The following CARF variants were observed in gnomAD, a reference collection of about 807,000 sequenced individuals.
CARF encodes the protein calcium responsive transcription factor, also known as calcium-responsive transcription factor.
Under a neutral mutation model 82.0 loss-of-function variants are expected in CARF, and 57 were observed. That is an observed-to-expected ratio of 0.70 (90% CI 0.56 to 0.87). CARF has a LOEUF of 0.87. Ranked by LOEUF, CARF falls within the 40% of genes least tolerant of loss-of-function variation. The pLI is 0.00. For synonymous variants in CARF, 268 were observed against 290.1 expected, an observed-to-expected ratio of 0.92 and a Z score of 0.77; for missense variants, 771 against 855.8, an observed-to-expected ratio of 0.90 and a Z score of 1.24.
chr2:202,933,669 TG>T (rs1478059488), intron 3 of CARF, among the ~76,000 whole-genome samples: 2 of 152,192 alleles, frequency 1.3e-5, no homozygotes, highest in Non-Finnish European at 2.9e-5. Context: ...CATTTATTTT[TG>T]TTAAAATGTA....
intron 2 of CARF, among the ~76,000 whole-genome samples, chr2:202,918,308 C>A (rs574488152): frequency 6.6e-6 from 1 of 152,036 alleles, no homozygotes; most frequent in African/African-American, 2.4e-5. Flanking sequence ...ATCACAAGGT[C>A]GGGAGATTGA....
intron 2 of CARF, among the ~76,000 whole-genome samples, chr2:202,921,258 C>T (rs1268606317): frequency 6.6e-6 from 1 of 152,154 alleles, no homozygotes; most frequent in African/African-American, 2.4e-5. Context: ...GCCTTGGCCT[C>T]CCAAAGTGCT....
chr2:202,960,760 T>G (rs1164968023), intron 8 of CARF, among the ~76,000 whole-genome samples: 2 of 149,702 alleles, frequency 1.3e-5, no homozygotes, highest in African/African-American at 2.5e-5. Flanking sequence ...CTGCCTTCCC[T>G]CCTTCTCTCC....
At chr2:202,960,184 A>G (rs2059242876) in intron 8 of CARF, among the ~76,000 whole-genome samples, 1 of 152,228 alleles carries the variant, frequency 6.6e-6, no homozygotes, top group Non-Finnish European at 1.5e-5. Flanking sequence ...GCTAATTTCC[A>G]TAAGATAAAA....
chr2:202,932,288 TCA>T (rs199799503), intron 3 of CARF, among the ~76,000 whole-genome samples: 1,592 of 152,244 alleles, frequency 0.01, 31 homozygotes, highest in Admixed American at 0.043. Context: ...TATCAGAGTC[TCA>T]CAAACCTGTT....
rs1194838421 is a variant in CARF, at chr2:202,943,629, CAT to C, written c.306+665_306+666del. The stretch of plus-strand genomic sequence containing the variant: ...ACACACACACACACACACACACACA[CAT>C]ATTAGGCTAACTCCAGTTTTGTTTT... On this transcript the variant is annotated intron_variant, in intron 5 of 16. Transcript: ENST00000438828. Among the ~76,000 whole-genome samples, 799 of 117,762 alleles carry C rather than the reference CAT, an allele frequency of 6.8e-3. 11 individuals are homozygous for C. Among genetic ancestry groups the C allele is most frequent in the Middle Eastern group, 0.043 (9 of 208 alleles). The allele number at this position is 117,762 out of a possible 152,430, so 77.3% of individuals were successfully genotyped here.
At position 202,954,240 on chromosome 2, in the gene CARF, A is replaced by G; in HGVS notation, c.557+106A>G. The G allele has an allele frequency of 3.1e-6, 4 of 1,281,742 alleles. No homozygotes were observed. The South Asian group carries it at 6.7e-5, about 22-fold the overall frequency. 79.4% of individuals were successfully genotyped at this position (1,281,742 alleles called of 1,614,324 possible). A position where few individuals can be genotyped will look rare whatever the true frequency, so the allele number is the denominator to read the frequency against. On this transcript the variant is annotated intron_variant, in intron 7 of 16. Coordinates refer to ENST00000438828, the MANE Select transcript of CARF (RefSeq NM_024744.17). ...GACTATAGAGAAAATCAGAAGATAGAAGGAACTATCATTGAATATATCTTT... is the reference window on the plus strand; with the variant it reads ...GACTATAGAGAAAATCAGAAGATAGGAGGAACTATCATTGAATATATCTTT...
At chr2:202,954,253 T>C in intron 7 of CARF, 119 bp downstream of exon 7, 1 of 1,155,030 alleles carries the variant, frequency 8.7e-7, no homozygotes, top group Non-Finnish European at 1.2e-6. Flanking sequence ...GAACTATCAT[T>C]GAATATATCT....
At chr2:202,928,059 A>G (rs1206071385) in intron 3 of CARF, among the ~76,000 whole-genome samples, 1 of 152,160 alleles carries the variant, frequency 6.6e-6, no homozygotes, top group Non-Finnish European at 1.5e-5. Context: ...CTAGGATTAC[A>G]GGCATGAGCA....
In CARF at chr2:202,983,767, T is replaced by C; in HGVS notation, c.*143T>C. 2 of 618,934 alleles carry C rather than the reference T, an allele frequency of 3.2e-6. No homozygotes were observed. The highest frequency in any genetic ancestry group is 5.7e-6 in the Non-Finnish European group (2 of 352,958). The allele number at this position is 618,934 out of a possible 1,614,324, so 38.3% of individuals were successfully genotyped here. A position where few individuals can be genotyped will look rare whatever the true frequency, so the allele number is the denominator to read the frequency against. Reference sequence around the variant, plus strand: ...AGCTTTTATTTAAAACTGATATATTTGTTGCCAGTTCCATATTTTTACCTT... The same window carrying C: ...AGCTTTTATTTAAAACTGATATATTCGTTGCCAGTTCCATATTTTTACCTT... On this transcript the variant is annotated 3_prime_UTR_variant, in exon 17 of 17. Coordinates refer to ENST00000438828, the MANE Select transcript of CARF (RefSeq NM_024744.17).
At chr2:202,931,661 T>A (rs937382760) in intron 3 of CARF, among the ~76,000 whole-genome samples, 3 of 151,970 alleles carry the variant, frequency 2.0e-5, no homozygotes, top group Non-Finnish European at 4.4e-5. Flanking sequence ...AAGGGTGTAG[T>A]GTCTGTTTGT....
rs778300097 is a variant in CARF, at chr2:202,954,039, A to G, written c.462A>G (p.Leu154=). The change falls in exon 7 of 17, where the codon TTA becomes TTG. Residue 154 remains leucine, a synonymous_variant. Transcript: ENST00000438828. ...AAGAGAAACCCAGTAACAGAAACTT[A>G]CCAACTGTAAGAGTGGATACTCTAG... ...VPEEKPSNRN[L]PTVRVDTLAD... is the part of the protein sequence containing the mutation. 3.1e-6 allele frequency: 5 copies of G among 1,610,434 alleles called. No homozygotes were observed. Among genetic ancestry groups the G allele is most frequent in the Non-Finnish European group, 4.2e-6 (5 of 1,178,666 alleles).
chr2:202,957,009 G>A (rs997966396), intron 8 of CARF, among the ~76,000 whole-genome samples: 2 of 152,020 alleles, frequency 1.3e-5, no homozygotes, highest in Admixed American at 6.5e-5. Context: ...GGCTGGTCTC[G>A]AACTCCCGAC....
intron 1 of CARF, among the ~76,000 whole-genome samples, chr2:202,916,982 G>A (rs943471035): frequency 6.6e-6 from 1 of 151,946 alleles, no homozygotes; most frequent in Non-Finnish European, 1.5e-5. Flanking sequence ...AGGCCGAGGC[G>A]GGCGGATCAC....
intron 3 of CARF, chr2:202,924,878 A>C: frequency 4.8e-6 from 1 of 208,050 alleles, no homozygotes; most frequent in South Asian, 7.6e-5. Flanking sequence ...CTTAAGCTGG[A>C]TGTGCACACC....
intron 3 of CARF, among the ~76,000 whole-genome samples, chr2:202,931,725 C>T (rs1336347556): frequency 6.6e-6 from 1 of 151,756 alleles, no homozygotes; most frequent in East Asian, 1.9e-4. Context: ...CATTCAACGT[C>T]AGCAATAACT....
chr2:202,956,708 A>C (rs1200979296), intron 8 of CARF, among the ~76,000 whole-genome samples: 2 of 152,186 alleles, frequency 1.3e-5, no homozygotes, highest in African/African-American at 2.4e-5. Flanking sequence ...GTAATGACAA[A>C]TACCGTTTCC....
chr2:202,971,310 C>T (rs2059781678), intron 11 of CARF, among the ~76,000 whole-genome samples, 195 bp from the exon 12 acceptor site: 1 of 151,834 alleles, frequency 6.6e-6, no homozygotes, highest in African/African-American at 2.4e-5. Context: ...GGATATAAAG[C>T]AAATCTTAGA....
At chr2:202,915,935 T>C (rs532207451) in intron 1 of CARF, among the ~76,000 whole-genome samples, 13 of 152,234 alleles carry the variant, frequency 8.5e-5, no homozygotes, top group Admixed American at 5.2e-4. Context: ...TATAGGTTAT[T>C]GTTTATATAT....
Sources: gnomAD v4.1 joint callset for allele counts (sites outside exome capture counted in the v4.1 genomes callset) on GRCh38, gnomAD v4.1.1 for gene constraint, MANE v1.5 for transcripts, NCBI Gene and HGNC (gene_info 2026-07-23, HGNC 2026-07-21) for gene names.